Variants in NRXN3 observed in about 807,000 individuals in gnomAD.
NRXN3 encodes the protein neurexin III.
In NRXN3, 32 loss-of-function variants were observed where a neutral mutation model predicts 137.6. The observed-to-expected ratio is 0.23, with a 90% CI of 0.18 to 0.31. The LOEUF (loss-of-function observed/expected upper bound fraction) is 0.31, where lower values mean the gene tolerates loss of function less well. Among genes scored for constraint, NRXN3 ranks in the 10% least tolerant of loss-of-function variants. The pLI, the probability that NRXN3 is intolerant of heterozygous loss-of-function variation, is 1.00. For missense variants in NRXN3, 1,574 were observed against 2,062.5 expected, an observed-to-expected ratio of 0.76 and a Z score of 4.59; for synonymous variants, 798 against 784.5, an observed-to-expected ratio of 1.02 and a Z score of -0.29.
chr14:78,367,155 T>C (rs941696049), intron 4 of NRXN3, among the ~76,000 whole-genome samples: 12 of 152,242 alleles, frequency 7.9e-5, no homozygotes, highest in African/African-American at 2.4e-4. Flanking sequence ...CTAGGGTTTT[T>C]CTGCTGGTTC....
In NRXN3 at chr14:78,902,491, A is replaced by G. The variant is rs190912398; in HGVS notation, c.2276-54751A>G. ...ATGTTTTCTTGGAAAGATTCAAAGT[A>G]GTAGAGTGCTTGAGGAGAAATAAAA... On this transcript the variant is annotated intron_variant, in intron 10 of 20. Transcript: ENST00000335750. Among the ~76,000 whole-genome samples, 44 of 152,188 alleles carry G rather than the reference A, an allele frequency of 2.9e-4. No homozygotes were observed. In the East Asian group the frequency reaches 7.6e-3, roughly 26 times the overall value.
chr14:78,969,199 C>T (rs530037942), intron 14 of NRXN3, among the ~76,000 whole-genome samples: 133 of 146,158 alleles, frequency 9.1e-4, no homozygotes, highest in African/African-American at 3.3e-3. Context: ...CACAACAAAC[C>T]ATGCTCAGCC....
intron 4 of NRXN3, among the ~76,000 whole-genome samples, chr14:78,397,583 A>G (rs1168979767): frequency 2.0e-5 from 3 of 151,470 alleles, no homozygotes; most frequent in Admixed American, 1.3e-4. Flanking sequence ...TGCTGAGACT[A>G]TACTCCTTGA....
intron 3 of NRXN3, among the ~76,000 whole-genome samples, chr14:78,291,336 AT>A (rs2075785048): frequency 6.6e-6 from 1 of 152,204 alleles, no homozygotes. Context: ...GAGATAACAC[AT>A]AGCCATGTCT....
intron 16 of NRXN3, among the ~76,000 whole-genome samples, chr14:79,627,702 A>G (rs906553780): frequency 2.0e-5 from 3 of 152,200 alleles, no homozygotes; most frequent in African/African-American, 7.2e-5. Flanking sequence ...GGGTATGGTT[A>G]TTAACCCCAT....
intron 16 of NRXN3, among the ~76,000 whole-genome samples, chr14:79,650,910 C>T (rs2098472740): frequency 6.6e-6 from 1 of 151,966 alleles, no homozygotes; most frequent in Non-Finnish European, 1.5e-5. Context: ...GGATGGCCTC[C>T]CAAGAGGCAG....
At chr14:78,393,515 C>T (rs2091044715) in intron 4 of NRXN3, among the ~76,000 whole-genome samples, 1 of 152,062 alleles carries the variant, frequency 6.6e-6, no homozygotes, top group Non-Finnish European at 1.5e-5. Flanking sequence ...ATTACTGTAG[C>T]TGTACAGTAA....
At chr14:78,872,515 T>C (rs946404494) in intron 10 of NRXN3, among the ~76,000 whole-genome samples, 3 of 151,936 alleles carry the variant, frequency 2.0e-5, no homozygotes, top group Admixed American at 6.6e-5. Flanking sequence ...TGTTTCATAT[T>C]TCTATTAGAG....
At chr14:78,959,613 A>C (rs992602680) in intron 11 of NRXN3, among the ~76,000 whole-genome samples, 3 of 152,194 alleles carry the variant, frequency 2.0e-5, no homozygotes, top group Non-Finnish European at 2.9e-5. Context: ...TCGATTACAC[A>C]TAGACATAAC....
At chr14:79,119,276 T>C (rs937651962) in intron 15 of NRXN3, among the ~76,000 whole-genome samples, 8 of 152,202 alleles carry the variant, frequency 5.3e-5, no homozygotes, top group Non-Finnish European at 1.2e-4. Context: ...ATTAGATTAA[T>C]ACCAATGAAT....
chr14:79,523,097 G>T (rs983692229), intron 16 of NRXN3, among the ~76,000 whole-genome samples: 5 of 152,142 alleles, frequency 3.3e-5, no homozygotes, highest in African/African-American at 1.2e-4. Context: ...GGCTGGAGAT[G>T]AAAAACATAC....
intron 15 of NRXN3, among the ~76,000 whole-genome samples, chr14:79,455,032 A>G (rs1349198339): frequency 6.6e-6 from 1 of 152,238 alleles, no homozygotes; most frequent in Non-Finnish European, 1.5e-5. Flanking sequence ...TATTAAGATT[A>G]TGTTGGATTT....
chr14:79,664,034 C>A, intron 17 of NRXN3, 85 bp downstream of exon 17: 2 of 1,363,594 alleles, frequency 1.5e-6, no homozygotes, highest in South Asian at 2.5e-5. Context: ...TGACTGTCAC[C>A]AAATTCCAGA....
At chr14:78,615,270 G>T (rs2097336359) in intron 4 of NRXN3, among the ~76,000 whole-genome samples, 1 of 152,110 alleles carries the variant, frequency 6.6e-6, no homozygotes, top group African/African-American at 2.4e-5. Flanking sequence ...AAGGCTCAAA[G>T]ATTGAACAGA....
chr14:79,836,725 TAACAGACA>T (rs1377531611), intron 20 of NRXN3, among the ~76,000 whole-genome samples: 5 of 152,166 alleles, frequency 3.3e-5, no homozygotes, highest in Non-Finnish European at 7.4e-5. Context: ...TCCAGAGCAG[TAACAGACA>T]GCTGTGCCCA....
At chr14:78,589,889 C>T (rs557435428) in intron 4 of NRXN3, among the ~76,000 whole-genome samples, 29 of 152,202 alleles carry the variant, frequency 1.9e-4, no homozygotes, top group African/African-American at 6.7e-4. Flanking sequence ...ACCCAGGAGG[C>T]GGAGGTTGTA....
In NRXN3 at chr14:78,929,966, A is replaced by G. The variant is rs57154288; in HGVS notation, c.2276-27276A>G. On this transcript the variant is annotated intron_variant, in intron 10 of 20. Transcript: ENST00000335750. Reference sequence around the variant, plus strand: ...AGTACCTGTCAAGTGCTTCTAGACCATTGCAAGTTTTCAATAAATGTTAGC... The same window carrying G: ...AGTACCTGTCAAGTGCTTCTAGACCGTTGCAAGTTTTCAATAAATGTTAGC... Among the ~76,000 whole-genome samples the G allele has an allele frequency of 3.3e-4, 50 of 152,284 alleles. No homozygotes were observed. In the East Asian group the frequency reaches 9.1e-3, roughly 28 times the overall value.
chr14:79,073,240 T>TC (rs919462203), intron 15 of NRXN3, among the ~76,000 whole-genome samples: 4 of 152,048 alleles, frequency 2.6e-5, no homozygotes, highest in Admixed American at 6.6e-5. Context: ...CCAACGGATA[T>TC]CCCCCCTTTT....
intron 15 of NRXN3, among the ~76,000 whole-genome samples, chr14:79,453,607 A>G (rs1273049196): frequency 6.6e-6 from 1 of 152,232 alleles, no homozygotes; most frequent in East Asian, 1.9e-4. Flanking sequence ...ACAGTAGCAC[A>G]GTCTTGCTTG....
Sources: allele counts gnomAD v4.1 joint callset (sites outside exome capture counted in the v4.1 genomes callset), GRCh38; gene constraint gnomAD v4.1.1; transcripts MANE v1.5; gene names NCBI Gene and HGNC (gene_info 2026-07-23, HGNC 2026-07-21).